ERBB4: variants seen among roughly 807,000 people sequenced by gnomAD.
ERBB4 encodes receptor tyrosine-protein kinase erbB-4.
ERBB4 carries 42 observed loss-of-function variants against 158.0 expected under a neutral mutation model. The observed-to-expected ratio is 0.27, with a 90% CI of 0.21 to 0.34. ERBB4 has a LOEUF of 0.34. Ranked by LOEUF, ERBB4 falls within the 10% of genes least tolerant of loss-of-function variation. The pLI is 1.00. For missense variants in ERBB4, 1,333 were observed against 1,624.1 expected (o/e 0.82, Z 3.08); for synonymous variants, 583 against 558.7 (o/e 1.04, Z -0.61).
chr2:211,644,683 A>T (rs780578720), intron 16 of ERBB4, among the ~76,000 whole-genome samples: 4 of 152,022 alleles, frequency 2.6e-5, no homozygotes, highest in Non-Finnish European at 5.9e-5. Flanking sequence ...ACAATCAGCC[A>T]TATGTAATGC....
chr2:212,312,767 T>C (rs1414519440), intron 1 of ERBB4, among the ~76,000 whole-genome samples: 2 of 150,950 alleles, frequency 1.3e-5, no homozygotes, highest in Admixed American at 1.3e-4. Flanking sequence ...TTTGGCTTTA[T>C]TCTTATTTGC....
chr2:211,995,814 C>A (rs908601589), intron 2 of ERBB4, among the ~76,000 whole-genome samples: 1 of 152,128 alleles, frequency 6.6e-6, no homozygotes. Context: ...GCTGCTGAGG[C>A]TGGAATAAGA....
intron 19 of ERBB4, among the ~76,000 whole-genome samples, chr2:211,566,746 T>A (rs1037083724): frequency 1.2e-4 from 19 of 152,186 alleles, no homozygotes; most frequent in African/African-American, 4.1e-4. Flanking sequence ...AAATCATTAA[T>A]TTAATTATAT....
At chr2:212,027,459 A>T (rs1291053301) in intron 2 of ERBB4, among the ~76,000 whole-genome samples, 6 of 152,112 alleles carry the variant, frequency 3.9e-5, no homozygotes, top group Non-Finnish European at 7.4e-5. Context: ...TCCAAAAACC[A>T]GATTAATATG....
intron 5 of ERBB4, among the ~76,000 whole-genome samples, chr2:211,742,777 A>G (rs551271164): frequency 6.6e-6 from 1 of 152,174 alleles, no homozygotes; most frequent in African/African-American, 2.4e-5. Context: ...TGTTTGGAAA[A>G]AGGTTTTATT....
intron 2 of ERBB4, among the ~76,000 whole-genome samples, chr2:211,978,384 G>GTCTT (rs1452551932): frequency 3.3e-5 from 4 of 121,940 alleles, no homozygotes; most frequent in African/African-American, 1.3e-4. Flanking sequence ...CTGTCTGTCT[G>GTCTT]TCTGTCTGTC....
At chr2:212,197,790 G>T (rs1420888689) in intron 1 of ERBB4, among the ~76,000 whole-genome samples, 1 of 152,154 alleles carries the variant, frequency 6.6e-6, no homozygotes, top group South Asian at 2.1e-4. Context: ...ATGAAAAAGT[G>T]AATTAGGGAG....
chr2:212,334,961 A>C (rs910841247), intron 1 of ERBB4, among the ~76,000 whole-genome samples: 1 of 151,978 alleles, frequency 6.6e-6, no homozygotes, highest in Admixed American at 6.6e-5. Flanking sequence ...TCACTATATC[A>C]GGGTTTATAT....
chr2:211,750,987 GATT>G (rs1274758112), intron 4 of ERBB4, among the ~76,000 whole-genome samples: 2 of 152,092 alleles, frequency 1.3e-5, no homozygotes, highest in African/African-American at 4.8e-5. Flanking sequence ...AAAAGCAAAT[GATT>G]ATAGTTAATA....
At chr2:212,395,575 G>C (rs143341825) in intron 1 of ERBB4, among the ~76,000 whole-genome samples, 1 of 151,012 alleles carries the variant, frequency 6.6e-6, no homozygotes, top group African/African-American at 2.4e-5. Flanking sequence ...TTTGGCTTGG[G>C]AGTATTAATG....
chr2:212,079,364 G>A (rs1019650968), intron 2 of ERBB4, among the ~76,000 whole-genome samples: 7 of 151,844 alleles, frequency 4.6e-5, no homozygotes, highest in African/African-American at 7.3e-5. Context: ...ATGAATTCAC[G>A]ATAGCTAAAA....
At chr2:211,675,740 C>T (rs2072035910) in intron 13 of ERBB4, among the ~76,000 whole-genome samples, 1 of 142,850 alleles carries the variant, frequency 7.0e-6, no homozygotes, top group East Asian at 2.0e-4. Context: ...CTTCTGGAGC[C>T]ACATTTTTTA....
intron 2 of ERBB4, among the ~76,000 whole-genome samples, chr2:212,055,014 C>T (rs575877448): frequency 4.5e-4 from 68 of 152,228 alleles, no homozygotes; most frequent in Non-Finnish European, 7.9e-4. Context: ...TCTCCTCACC[C>T]GGGAAGCATA....
chr2:211,782,387 T>G (rs1478754455), intron 4 of ERBB4, among the ~76,000 whole-genome samples: 1 of 151,846 alleles, frequency 6.6e-6, no homozygotes, highest in Non-Finnish European at 1.5e-5. Flanking sequence ...TTATCCTCAT[T>G]TTTGCTTGTC....
intron 20 of ERBB4, among the ~76,000 whole-genome samples, chr2:211,446,775 T>C (rs1425130601): frequency 6.6e-6 from 1 of 150,416 alleles, no homozygotes; most frequent in Non-Finnish European, 1.5e-5. Flanking sequence ...AATTAGGTTT[T>C]TTTTAAAGCA....
At chr2:212,059,069 A>T (rs1418218503) in intron 2 of ERBB4, among the ~76,000 whole-genome samples, 1 of 152,232 alleles carries the variant, frequency 6.6e-6, no homozygotes, top group Non-Finnish European at 1.5e-5. Context: ...AATCTCCTTA[A>T]GCTGATAAGC....
intron 25 of ERBB4, among the ~76,000 whole-genome samples, chr2:211,413,325 C>A (rs372626368): frequency 0.18 from 15,711 of 87,158 alleles, 2,728 homozygotes; most frequent in Non-Finnish European, 0.26. Flanking sequence ...CACACACACA[C>A]ACACACACAC....
At chr2:211,998,528 C>T (rs1156677650) in intron 2 of ERBB4, among the ~76,000 whole-genome samples, 219 of 75,576 alleles carry the variant, frequency 2.9e-3, no homozygotes, top group Middle Eastern at 7.2e-3. Flanking sequence ...ACTCATACTG[C>T]CAAAAAAAAA....
At chr2:211,580,298 AG>A (rs1485699197) in intron 19 of ERBB4, among the ~76,000 whole-genome samples, 3 of 152,150 alleles carry the variant, frequency 2.0e-5, no homozygotes, top group African/African-American at 7.2e-5. Flanking sequence ...CATATTAGCA[AG>A]GAAAAAACAA....
Sources: allele counts gnomAD v4.1 joint callset (sites outside exome capture counted in the v4.1 genomes callset), GRCh38; gene constraint gnomAD v4.1.1; transcripts MANE v1.5; gene names NCBI Gene and HGNC (gene_info 2026-07-23, HGNC 2026-07-21).